The following GALNT14 variants were observed in gnomAD, a reference collection of about 807,000 sequenced individuals.
GALNT14 encodes UDP-GalNAc:polypeptide N-acetylgalactosaminyltransferase 14.
GALNT14 carries 60 observed loss-of-function variants against 77.5 expected under a neutral mutation model. The ratio of observed to expected loss-of-function variants is 0.77; its 90% CI spans 0.63 to 0.96. The LOEUF is 0.96. Among genes scored for constraint, GALNT14 ranks in the 40% least tolerant of loss-of-function variants. The pLI is 0.00. For missense variants in GALNT14, 710 were observed against 731.0 expected, an observed-to-expected ratio of 0.97 and a Z score of 0.33; for synonymous variants, 280 against 281.7, an observed-to-expected ratio of 0.99 and a Z score of 0.06.
At chr2:30,919,930 C>T (rs765040522) in intron 13 of GALNT14, among the ~76,000 whole-genome samples, 17 of 152,136 alleles carry the variant, frequency 1.1e-4, no homozygotes, top group Non-Finnish European at 1.9e-4. Context: ...GTCCTCCACC[C>T]GAGACCTTGA....
the GALNT14 span, among the ~76,000 whole-genome samples, chr2:30,899,414 T>C: frequency 6.6e-6 from 1 of 152,198 alleles, no homozygotes; most frequent in Non-Finnish European, 1.5e-5. Flanking sequence ...TTGCTGCATC[T>C]GGACAGTGAA....
intron 1 of GALNT14, among the ~76,000 whole-genome samples, chr2:31,066,877 T>C (rs1381895955): frequency 6.6e-6 from 1 of 152,094 alleles, no homozygotes; most frequent in African/African-American, 2.4e-5. Context: ...GCCCAGGCTG[T>C]GGAAAATGCA....
Position 30,966,209 on chromosome 2 carries a change from G to A in GALNT14, c.393C>T (p.Ile131=). ...GACAAGCAAGGATGCCTCACCTGCG[G>A]ATGGTCCTGAGCAGCGTGGAGCGGG... The part of the protein sequence containing the change: ...NEARSTLLRT[I]RSVLNRTPTH... The change falls in exon 3 of 15, where the codon ATC becomes ATT. Residue 131 remains isoleucine (I), a synonymous_variant. Coordinates refer to ENST00000349752, the MANE Select transcript of GALNT14 (RefSeq NM_024572.4). The A allele has an allele frequency of 6.2e-7, 1 of 1,613,792 alleles. No individual in the cohort carries two copies. The highest frequency in any genetic ancestry group is 8.5e-7 in the Non-Finnish European group (1 of 1,179,712).
chr2:31,061,073 G>C (rs1674559395), intron 1 of GALNT14, among the ~76,000 whole-genome samples: 1 of 152,048 alleles, frequency 6.6e-6, no homozygotes, highest in Admixed American at 6.6e-5. Flanking sequence ...GGATCATCCA[G>C]CCACAGCCAG....
chr2:31,041,577 TC>T (rs750991623), intron 1 of GALNT14, among the ~76,000 whole-genome samples: 82 of 152,150 alleles, frequency 5.4e-4, no homozygotes, highest in Non-Finnish European at 9.9e-4. Flanking sequence ...GATGATGAGG[TC>T]AGAGAGGTAC....
chr2:31,132,392 C>T (rs1045779331), intron 1 of GALNT14, among the ~76,000 whole-genome samples: 2 of 152,174 alleles, frequency 1.3e-5, no homozygotes, highest in African/African-American at 4.8e-5. Context: ...GCATATTTCT[C>T]AGTCACTCAC....
intron 1 of GALNT14, among the ~76,000 whole-genome samples, chr2:31,059,748 C>A (rs940052474): frequency 6.6e-6 from 1 of 152,204 alleles, no homozygotes; most frequent in Admixed American, 6.5e-5. Context: ...CCAAGAGAGG[C>A]CCCTCACCCC....
chr2:30,937,264 C>A (rs1666110299), intron 9 of GALNT14, among the ~76,000 whole-genome samples: 1 of 152,224 alleles, frequency 6.6e-6, no homozygotes, highest in Non-Finnish European at 1.5e-5. Flanking sequence ...GGAGAACAGG[C>A]ACTTTCATTA....
At chr2:31,001,105 C>T (rs756435242) in intron 1 of GALNT14, among the ~76,000 whole-genome samples, 10 of 152,114 alleles carry the variant, frequency 6.6e-5, no homozygotes, top group Non-Finnish European at 1.3e-4. Flanking sequence ...TTCTCGTCTC[C>T]ATGTAGCCAG....
chr2:31,074,998 A>G (rs1169430154), intron 1 of GALNT14, among the ~76,000 whole-genome samples: 1 of 152,134 alleles, frequency 6.6e-6, no homozygotes, highest in African/African-American at 2.4e-5. Context: ...TGTAATCCCC[A>G]GTGTTGGAGG....
rs200967779 is a variant in GALNT14 at position 31,023,173 on chromosome 2, AAAAAC to A, written c.130-30171_130-30167del. On this transcript the variant is annotated intron_variant, in intron 1 of 14. Coordinates refer to ENST00000349752, the MANE Select transcript of GALNT14 (RefSeq NM_024572.4). ...GAAAAACAAAAACAAAAACAAAAAC[AAAAAC>A]AAAACAAGGTATGTTTGAAGGCTCA... 2.3e-4 allele frequency among the ~76,000 whole-genome samples: 14 copies of A among 60,970 alleles called. No individual in the cohort carries two copies. The South Asian group carries it at 3.9e-3, about 17-fold the overall frequency. 40.0% of individuals were successfully genotyped at this position (60,970 alleles called of 152,430 possible). A position where few individuals can be genotyped will look rare whatever the true frequency, so the allele number is the denominator to read the frequency against.
intron 1 of GALNT14, among the ~76,000 whole-genome samples, chr2:30,995,140 G>C (rs1345651875): frequency 1.7e-5 from 1 of 58,146 alleles, no homozygotes; most frequent in East Asian, 5.3e-4. Flanking sequence ...TTGTGTGTGT[G>C]TGTGTGTGTG....
At chr2:31,089,459 AG>A (rs1162784822) in intron 1 of GALNT14, among the ~76,000 whole-genome samples, 6 of 152,184 alleles carry the variant, frequency 3.9e-5, no homozygotes, top group Admixed American at 2.0e-4. Context: ...ACAGAAAATC[AG>A]GGAAGACCAG....
chr2:30,918,500 C>G (rs929801377), intron 13 of GALNT14, among the ~76,000 whole-genome samples: 1 of 152,164 alleles, frequency 6.6e-6, no homozygotes, highest in Non-Finnish European at 1.5e-5. Context: ...CCAGGGGGAG[C>G]CAACAAGAAG....
At chr2:31,028,358 T>C (rs1356756658) in intron 1 of GALNT14, among the ~76,000 whole-genome samples, 2 of 152,208 alleles carry the variant, frequency 1.3e-5, no homozygotes, top group African/African-American at 4.8e-5. Flanking sequence ...CCTCCCACCA[T>C]GGCGGAAAGC....
At chr2:31,130,734 C>CTCTG (rs1678934066) in intron 1 of GALNT14, among the ~76,000 whole-genome samples, 1 of 117,470 alleles carries the variant, frequency 8.5e-6, no homozygotes, top group Non-Finnish European at 1.7e-5. Context: ...CAGGGTACCT[C>CTCTG]TGTGTGTGTG....
chr2:31,019,951 C>T (rs1449205830), intron 1 of GALNT14, among the ~76,000 whole-genome samples: 3 of 152,076 alleles, frequency 2.0e-5, no homozygotes, highest in African/African-American at 4.8e-5. Flanking sequence ...GAGTAAGGGG[C>T]GAGCGGTGGC....
intron 1 of GALNT14, among the ~76,000 whole-genome samples, chr2:31,015,463 C>G (rs576742239): frequency 2.1e-4 from 32 of 152,208 alleles, no homozygotes; most frequent in African/African-American, 7.7e-4. Flanking sequence ...CTGCCTCCAT[C>G]TATACTAAAA....
chr2:31,000,435 CTGTGTG>C (rs3223043), intron 1 of GALNT14, among the ~76,000 whole-genome samples: 13,500 of 146,036 alleles, frequency 0.092, 738 homozygotes, highest in East Asian at 0.26. Flanking sequence ...ATATCACCAA[CTGTGTG>C]TGTGTGTGTG....
Sources: allele counts gnomAD v4.1 joint callset (sites outside exome capture counted in the v4.1 genomes callset), GRCh38; gene constraint gnomAD v4.1.1; transcripts MANE v1.5; gene names NCBI Gene and HGNC (gene_info 2026-07-23, HGNC 2026-07-21).